GRM7: variants seen among roughly 807,000 people sequenced by gnomAD.
GRM7 encodes metabotropic glutamate receptor 7.
In GRM7, 35 loss-of-function variants were observed where a neutral mutation model predicts 84.5. That is an observed-to-expected ratio of 0.41 (90% CI 0.32 to 0.55). GRM7 has a LOEUF of 0.55. Among genes scored for constraint, GRM7 ranks in the 20% least tolerant of loss-of-function variants. The pLI, the probability that GRM7 is intolerant of heterozygous loss-of-function variation, is 0.19. For missense variants in GRM7, 1,003 were observed against 1,194.6 expected (o/e 0.84, Z 2.36); for synonymous variants, 487 against 455.1 (o/e 1.07, Z -0.89).
At chr3:7,435,171 T>G (rs1441017172) in intron 5 of GRM7, among the ~76,000 whole-genome samples, 2 of 152,038 alleles carry the variant, frequency 1.3e-5, no homozygotes, top group African/African-American at 4.8e-5. Flanking sequence ...TTTCTTTTTT[T>G]TTTTGGGCGG....
Position 7,305,503 on chromosome 3 carries a change from C to T in GRM7, c.879-995C>T, listed in dbSNP as rs1575145375. 1.3e-4 allele frequency among the ~76,000 whole-genome samples: 7 copies of T among 54,490 alleles called. 1 individual carries two copies. The highest frequency in any genetic ancestry group is 1.1e-3 in the Admixed American group (7 of 6,184). The allele number at this position is 54,490 out of a possible 152,430, so 35.7% of individuals were successfully genotyped here. A position where few individuals can be genotyped will look rare whatever the true frequency, so the allele number is the denominator to read the frequency against. On this transcript the variant is annotated intron_variant, in intron 3 of 9. Coordinates refer to ENST00000357716, the MANE Select transcript of GRM7 (RefSeq NM_000844.4). ...CCAATGCTATCCCTCCCCCCTCCCC[C>T]GACCCCACCACAGTCCCCAGAGTGT... is the stretch of plus-strand genomic sequence containing the variant.
chr3:7,460,317 T>C (rs1698194489), intron 6 of GRM7, among the ~76,000 whole-genome samples: 1 of 152,124 alleles, frequency 6.6e-6, no homozygotes, highest in Non-Finnish European at 1.5e-5. Context: ...CCCAGACAAA[T>C]GTATTTTTCA....
At chr3:7,071,891 C>T (rs1697894262) in intron 1 of GRM7, among the ~76,000 whole-genome samples, 2 of 151,920 alleles carry the variant, frequency 1.3e-5, no homozygotes, top group Admixed American at 1.3e-4. Flanking sequence ...TGCTGATTTA[C>T]AATAATATCT....
At chr3:7,659,713 G>A (rs1389148369) in intron 8 of GRM7, among the ~76,000 whole-genome samples, 1 of 152,148 alleles carries the variant, frequency 6.6e-6, no homozygotes, top group Non-Finnish European at 1.5e-5. Flanking sequence ...TCAAACTCTG[G>A]CTGGCTCCAC....
intron 2 of GRM7, among the ~76,000 whole-genome samples, chr3:7,154,598 C>T (rs922774780): frequency 6.6e-6 from 1 of 151,994 alleles, no homozygotes; most frequent in African/African-American, 2.4e-5. Flanking sequence ...TGATGGGATT[C>T]TGGCAGAGAG....
chr3:7,428,967 C>G (rs184013359), intron 5 of GRM7, among the ~76,000 whole-genome samples: 3 of 152,270 alleles, frequency 2.0e-5, no homozygotes, highest in Admixed American at 1.3e-4. Context: ...GGACATAACT[C>G]AGTAGCTCTT....
chr3:7,324,776 C>T (rs1300899741), intron 4 of GRM7, among the ~76,000 whole-genome samples: 1 of 152,012 alleles, frequency 6.6e-6, no homozygotes, highest in Non-Finnish European at 1.5e-5. Context: ...ATAGAGGGGC[C>T]CTCAGAATCC....
At chr3:7,227,757 A>C (rs1434621569) in intron 2 of GRM7, among the ~76,000 whole-genome samples, 1 of 152,178 alleles carries the variant, frequency 6.6e-6, no homozygotes, top group Non-Finnish European at 1.5e-5. Flanking sequence ...CTAGAACCAA[A>C]CTGTGAGAGG....
intron 7 of GRM7, among the ~76,000 whole-genome samples, chr3:7,462,602 T>A (rs375108509): frequency 6.6e-6 from 1 of 152,248 alleles, no homozygotes; most frequent in African/African-American, 2.4e-5. Context: ...AGAACAAGGC[T>A]TCTTGGGTGT....
rs138372132 is a variant in GRM7 at position 7,538,552 on chromosome 3, G to T, written c.1516-39870G>T. ...TTTCACAAGGATGAAAAACATCAAG[G>T]TTTAATGTAATCAGAAGTCTTTTTT... is the stretch of plus-strand genomic sequence containing the variant. On this transcript the variant is annotated intron_variant, in intron 7 of 9. Transcript: ENST00000357716. 5.5e-3 allele frequency among the ~76,000 whole-genome samples: 834 copies of T among 152,318 alleles called. 7 individuals carry two copies. The highest frequency in any genetic ancestry group is 0.015 in the African/African-American group (639 of 41,586).
chr3:7,139,546 G>A (rs151292387), intron 1 of GRM7, among the ~76,000 whole-genome samples: 16 of 151,980 alleles, frequency 1.1e-4, no homozygotes, highest in Admixed American at 5.9e-4. Context: ...ATATGAGAGC[G>A]TGAATTCATG....
intron 9 of GRM7, among the ~76,000 whole-genome samples, chr3:7,701,378 A>G (rs1245301776): frequency 2.1e-5 from 3 of 142,712 alleles, no homozygotes; most frequent in African/African-American, 7.9e-5. Flanking sequence ...TCGGCTCACT[A>G]CAAGCTCCGT....
At chr3:7,397,397 G>T (rs896137609) in intron 4 of GRM7, among the ~76,000 whole-genome samples, 2 of 152,116 alleles carry the variant, frequency 1.3e-5, no homozygotes, top group Non-Finnish European at 2.9e-5. Flanking sequence ...CTTTACTAGA[G>T]GGTGAAAAGG....
chr3:7,452,955 T>C (rs954544122), intron 6 of GRM7, 148 bp downstream of exon 6: 2 of 603,850 alleles, frequency 3.3e-6, no homozygotes, highest in East Asian at 2.8e-5. Flanking sequence ...AATGCATGAA[T>C]GAGCAAATGA....
intron 1 of GRM7, among the ~76,000 whole-genome samples, chr3:7,145,393 G>A (rs1006597869): frequency 3.9e-5 from 6 of 152,110 alleles, no homozygotes; most frequent in African/African-American, 1.4e-4. Context: ...CTTTGAAGAG[G>A]TAACTAGCAT....
At chr3:7,441,884 T>C (rs1196042613) in intron 5 of GRM7, among the ~76,000 whole-genome samples, 1 of 152,186 alleles carries the variant, frequency 6.6e-6, no homozygotes, top group Non-Finnish European at 1.5e-5. Flanking sequence ...ACTGTAGCCT[T>C]ATAGTATAGC....
chr3:7,596,929 A>G (rs549547511), intron 8 of GRM7, among the ~76,000 whole-genome samples: 66 of 152,320 alleles, frequency 4.3e-4, no homozygotes, highest in Admixed American at 1.2e-3. Context: ...ACCTCCAAGA[A>G]GAGGAAACTT....
intron 7 of GRM7, among the ~76,000 whole-genome samples, chr3:7,510,568 C>T (rs1457534564): frequency 1.3e-5 from 2 of 151,934 alleles, no homozygotes; most frequent in African/African-American, 2.4e-5. Flanking sequence ...AGTCAGTCTT[C>T]GGTGGCAGGC....
At chr3:7,406,836 A>C (rs536102751) in intron 4 of GRM7, among the ~76,000 whole-genome samples, 3 of 152,206 alleles carry the variant, frequency 2.0e-5, no homozygotes, top group Non-Finnish European at 4.4e-5. Flanking sequence ...AGATCAAAAA[A>C]TTTGCACATT....
Sources: allele counts gnomAD v4.1 joint callset (sites outside exome capture counted in the v4.1 genomes callset), GRCh38; gene constraint gnomAD v4.1.1; transcripts MANE v1.5; gene names NCBI Gene and HGNC (gene_info 2026-07-23, HGNC 2026-07-21).